The following E2F3 variants were observed in gnomAD, a reference collection of about 807,000 sequenced individuals.
E2F3 encodes transcription factor E2F3.
Under a neutral mutation model 44.4 loss-of-function variants are expected in E2F3, and 11 were observed. The ratio of observed to expected loss-of-function variants is 0.25; its 90% CI spans 0.16 to 0.41. The LOEUF (loss-of-function observed/expected upper bound fraction) is 0.41, where lower values mean the gene tolerates loss of function less well. Ranked by LOEUF, E2F3 falls within the 10% of genes least tolerant of loss-of-function variation. E2F3 has a pLI of 1.00. For synonymous variants in E2F3, 249 were observed against 253.0 expected (o/e 0.98, Z 0.15); for missense variants, 487 against 583.6 (o/e 0.83, Z 1.70).
intron 1 of E2F3, among the ~76,000 whole-genome samples, chr6:20,436,569 C>T (rs148413754): frequency 6.6e-5 from 10 of 152,216 alleles, no homozygotes; most frequent in African/African-American, 2.2e-4. Flanking sequence ...GGGCCACATG[C>T]GGCCCGTGGG....
intron 4 of E2F3, 65 bp downstream of exon 4, chr6:20,482,985 T>C: frequency 6.2e-7 from 1 of 1,605,426 alleles, no homozygotes; most frequent in Non-Finnish European, 8.5e-7. Flanking sequence ...GAGTTGACAA[T>C]CTGACTTATG....
chr6:20,414,960 G>A (rs555481174), intron 1 of E2F3, among the ~76,000 whole-genome samples: 1 of 152,176 alleles, frequency 6.6e-6, no homozygotes, highest in Non-Finnish European at 1.5e-5. Context: ...TTCACTGGCT[G>A]GAAGGATTAA....
chr6:20,448,069 G>T (rs897095735), intron 1 of E2F3, among the ~76,000 whole-genome samples: 1 of 152,182 alleles, frequency 6.6e-6, no homozygotes, highest in African/African-American at 2.4e-5. Context: ...CATTCCTGGG[G>T]ATTGATATGA....
chr6:20,405,156 A>G (rs866159820), intron 1 of E2F3, among the ~76,000 whole-genome samples: 1 of 152,146 alleles, frequency 6.6e-6, no homozygotes, highest in Non-Finnish European at 1.5e-5. Flanking sequence ...TACCCTCACC[A>G]TCTTCCAAGT....
chr6:20,446,163 A>G (rs1322059301), intron 1 of E2F3, among the ~76,000 whole-genome samples: 1 of 152,174 alleles, frequency 6.6e-6, no homozygotes, highest in Non-Finnish European at 1.5e-5. Context: ...TAATGTTATA[A>G]CAAAATGACA....
chr6:20,450,064 A>G (rs1345506460), intron 1 of E2F3, among the ~76,000 whole-genome samples: 1 of 152,208 alleles, frequency 6.6e-6, no homozygotes, highest in African/African-American at 2.4e-5. Context: ...TATTGTGAAT[A>G]GTGCTGCAGT....
At position 20,402,047 on chromosome 6, in the gene E2F3, A is replaced by G; in HGVS notation, c.-186A>G. On this transcript the variant is annotated 5_prime_UTR_variant, in exon 1 of 7. Coordinates refer to ENST00000346618, the MANE Select transcript of E2F3 (RefSeq NM_001949.5). The surrounding 1 kb of genome is among the most constrained non-coding windows in gnomAD (Gnocchi z 5.6). The stretch of plus-strand genomic sequence containing the variant: ...GGACCCTCCTCTCTCCAGAGCCCCG[A>G]TTATTTTTGGCCCCCGGGGCCTGTG... 1 of 1,051,796 alleles carries G rather than the reference A, an allele frequency of 9.5e-7. No individual in the cohort carries two copies. Among genetic ancestry groups the G allele is most frequent in the South Asian group, 2.0e-5 (1 of 49,794 alleles). 65.2% of individuals were successfully genotyped at this position (1,051,796 alleles called of 1,614,324 possible). A position where few individuals can be genotyped will look rare whatever the true frequency, so the allele number is the denominator to read the frequency against.
At chr6:20,404,359 C>T (rs1017497502) in intron 1 of E2F3, among the ~76,000 whole-genome samples, 1 of 152,210 alleles carries the variant, frequency 6.6e-6, no homozygotes, top group African/African-American at 2.4e-5. Context: ...TTCTCCTTTT[C>T]TCTCCTTCAT....
chr6:20,439,536 T>A (rs570765772), intron 1 of E2F3, among the ~76,000 whole-genome samples: 26 of 152,324 alleles, frequency 1.7e-4, no homozygotes, highest in Non-Finnish European at 3.5e-4. Flanking sequence ...TCCCATTTTT[T>A]CTTTTCTCTT....
chr6:20,475,589 C>T (rs1175423834), intron 1 of E2F3, among the ~76,000 whole-genome samples: 1 of 152,184 alleles, frequency 6.6e-6, no homozygotes, highest in African/African-American at 2.4e-5. Context: ...CCAACCTCCA[C>T]CTCCCAGGTT....
chr6:20,442,833 G>C (rs1760820767), intron 1 of E2F3, among the ~76,000 whole-genome samples: 1 of 152,054 alleles, frequency 6.6e-6, no homozygotes, highest in Non-Finnish European at 1.5e-5. Flanking sequence ...GGCCGGGCAT[G>C]GTGGCAGGCA....
At chr6:20,442,030 A>G (rs1256038241) in intron 1 of E2F3, among the ~76,000 whole-genome samples, 2 of 150,904 alleles carry the variant, frequency 1.3e-5, no homozygotes, top group Non-Finnish European at 2.9e-5. Flanking sequence ...CAGTTTGCTC[A>G]ACAGGCCTCA....
intron 6 of E2F3, among the ~76,000 whole-genome samples, chr6:20,489,793 G>A (rs1203148133): frequency 1.3e-5 from 2 of 151,644 alleles, no homozygotes; most frequent in Non-Finnish European, 2.9e-5. Context: ...TGGGCAACAT[G>A]GCAAAACCCT....
chr6:20,402,719 G>A lies in E2F3; in HGVS notation c.393+94G>A. 1 of 1,260,654 alleles carries A rather than the reference G, an allele frequency of 7.9e-7. No homozygotes were observed. The highest frequency in any genetic ancestry group is 2.9e-5 in the South Asian group (1 of 33,930). The allele number at this position is 1,260,654 out of a possible 1,614,324, so 78.1% of individuals were successfully genotyped here. A position where few individuals can be genotyped will look rare whatever the true frequency, so the allele number is the denominator to read the frequency against. On this transcript the variant is annotated intron_variant, in intron 1 of 6. Transcript: ENST00000346618. This position sits in a 1 kb window ranked among gnomAD's most constrained non-coding sequence, Gnocchi z 5.6. ...GCGCGCTGCGGGCCGCTCGGGGAGA[G>A]CACTGGGCCGAGCATCGTGGGCCTC...
chr6:20,489,773 G>A (rs1762503328), intron 6 of E2F3, among the ~76,000 whole-genome samples: 3 of 152,008 alleles, frequency 2.0e-5, no homozygotes, highest in Admixed American at 1.3e-4. Context: ...CCAGGAGTTC[G>A]AGACCAGACT....
chr6:20,488,026 C>T lies in E2F3; in HGVS notation c.1000-87C>T, dbSNP rs142374940. On this transcript the variant is annotated intron_variant, in intron 5 of 6. Transcript: ENST00000346618. ...AAGCAAGTGAAAAACGAACATTGTT[C>T]TTACTTTCCATTTTTAGACAAGAAT... 1.1e-3 allele frequency: 1,656 copies of T among 1,567,894 alleles called. 2 individuals are homozygous for T. Among genetic ancestry groups the T allele is most frequent in the Non-Finnish European group, 1.3e-3 (1,454 of 1,148,228 alleles).
chr6:20,435,460 C>T (rs1009540402), intron 1 of E2F3, among the ~76,000 whole-genome samples: 15 of 152,280 alleles, frequency 9.9e-5, no homozygotes, highest in African/African-American at 2.9e-4. Context: ...ATTATTAAAA[C>T]TCATTGACTT....
In E2F3 at chr6:20,442,967, C is replaced by CAAA. The variant is rs60258972; in HGVS notation, c.394-36868_394-36866dup. On this transcript the variant is annotated intron_variant, in intron 1 of 6. Coordinates refer to ENST00000346618, the MANE Select transcript of E2F3 (RefSeq NM_001949.5). Reference sequence around the variant, plus strand: ...CCTGGGCGACAAGAGCAAACTGTCTCAAAAAAAAAAAAATCTCAAATCTAT... The same window carrying CAAA: ...CCTGGGCGACAAGAGCAAACTGTCTCAAAAAAAAAAAAAAAATCTCAAATCTAT... 6.0e-3 allele frequency among the ~76,000 whole-genome samples: 889 copies of CAAA among 147,982 alleles called. 11 individuals carry two copies. Among genetic ancestry groups the CAAA allele is most frequent in the African/African-American group, 0.021 (846 of 40,402 alleles).
Position 20,421,322 on chromosome 6 carries a change from A to G in E2F3, c.393+18697A>G, listed in dbSNP as rs13207710. ...GGAGACTCCTTTCCAGAAAGTTTGT[A>G]ATTTACTTTATCCAGATCCTTTGGA... On this transcript the variant is annotated intron_variant, in intron 1 of 6. Transcript: ENST00000346618. Among the ~76,000 whole-genome samples the G allele has an allele frequency of 8.5e-3, 1,298 of 152,264 alleles. 10 individuals are homozygous for G. Among genetic ancestry groups the G allele is most frequent in the Admixed American group, 0.017 (262 of 15,290 alleles).
Sources: gnomAD v4.1 joint callset for allele counts (sites outside exome capture counted in the v4.1 genomes callset) on GRCh38, gnomAD v4.1.1 for gene constraint, Gnocchi (gnomAD v3.1) non-coding constraint, MANE v1.5 for transcripts, NCBI Gene and HGNC (gene_info 2026-07-23, HGNC 2026-07-21) for gene names.